Variants in RABGAP1L observed in about 807,000 individuals in gnomAD.
RABGAP1L encodes rab GTPase-activating protein 1-like.
In RABGAP1L, 63 loss-of-function variants were observed where a neutral mutation model predicts 137.7. The observed-to-expected ratio is 0.46, with a 90% CI of 0.37 to 0.56. RABGAP1L has a LOEUF of 0.56. Among genes scored for constraint, RABGAP1L ranks in the 20% least tolerant of loss-of-function variants. The probability of loss-of-function intolerance (pLI) is 0.00; values close to 1 mark genes in which losing one functional copy is unlikely to be tolerated. For synonymous variants in RABGAP1L, 431 were observed against 433.7 expected (o/e 0.99, Z 0.08); for missense variants, 1,095 against 1,244.0 (o/e 0.88, Z 1.80).
At chr1:174,234,793 A>G (rs1671009399) in intron 4 of RABGAP1L, among the ~76,000 whole-genome samples, 1 of 148,818 alleles carries the variant, frequency 6.7e-6, no homozygotes, top group East Asian at 1.9e-4. Flanking sequence ...GTTTTTTCCA[A>G]TTCTGTGAAG....
At chr1:174,252,132 T>A (rs1230061678) in intron 6 of RABGAP1L, among the ~76,000 whole-genome samples, 1 of 152,190 alleles carries the variant, frequency 6.6e-6, no homozygotes, top group Non-Finnish European at 1.5e-5. Flanking sequence ...TGATCTCAAG[T>A]GATCAGCCTG....
At chr1:174,787,751 G>A (rs570480043) in intron 18 of RABGAP1L, among the ~76,000 whole-genome samples, 1 of 152,104 alleles carries the variant, frequency 6.6e-6, no homozygotes. Context: ...AAATGTGAAG[G>A]TACTGGTAAT....
chr1:174,603,487 A>G (rs1670563488), intron 13 of RABGAP1L, among the ~76,000 whole-genome samples: 1 of 152,136 alleles, frequency 6.6e-6, no homozygotes, highest in Admixed American at 6.5e-5. Flanking sequence ...CAAGGCCAGA[A>G]CTGCCATTCG....
intron 18 of RABGAP1L, chr1:174,800,208 T>TCCCCCCC: frequency 7.1e-7 from 1 of 1,404,170 alleles, no homozygotes. Context: ...AGCTGACAAT[T>TCCCCCCC]CCCACCACAG....
At chr1:174,414,461 C>T (rs2149140734) in intron 13 of RABGAP1L, among the ~76,000 whole-genome samples, 1 of 152,122 alleles carries the variant, frequency 6.6e-6, no homozygotes. Flanking sequence ...GTCCTACTAT[C>T]TAGGATACTG....
chr1:174,838,054 T>C (rs567366094), intron 19 of RABGAP1L, among the ~76,000 whole-genome samples: 8 of 152,324 alleles, frequency 5.3e-5, no homozygotes, highest in African/African-American at 1.4e-4. Flanking sequence ...ATATACCTCT[T>C]TCCAAAAAGT....
At chr1:174,349,815 A>G (rs1213886250) in intron 11 of RABGAP1L, among the ~76,000 whole-genome samples, 2 of 113,956 alleles carry the variant, frequency 1.8e-5, no homozygotes, top group Non-Finnish European at 1.8e-5. Context: ...GGCCGGGCAG[A>G]GGCGCCCCTC....
intron 12 of RABGAP1L, among the ~76,000 whole-genome samples, chr1:174,384,668 T>A (rs1686591458): frequency 6.6e-6 from 1 of 152,214 alleles, no homozygotes; most frequent in Admixed American, 6.5e-5. Flanking sequence ...TAGGTAACTC[T>A]GTCTTAACTA....
chr1:174,797,099 G>T (rs544838722), intron 18 of RABGAP1L, among the ~76,000 whole-genome samples: 4 of 152,168 alleles, frequency 2.6e-5, no homozygotes, highest in South Asian at 2.1e-4. Flanking sequence ...AAACCATACA[G>T]TTCCAAAATC....
In RABGAP1L at chr1:174,278,719, G is replaced by A. The variant is rs754824768; in HGVS notation, c.1263G>A (p.Glu421=). 1 of 1,588,672 alleles carries A rather than the reference G, an allele frequency of 6.3e-7. No individual in the cohort carries two copies. The highest frequency in any genetic ancestry group is 8.5e-7 in the Non-Finnish European group (1 of 1,172,410). ...TAGTCCGTGTGTACCCTGCAAATGAGCGATTTTGGTATTTCAGCAGAAAGA... is the reference window on the plus strand; with the variant it reads ...TAGTCCGTGTGTACCCTGCAAATGAACGATTTTGGTATTTCAGCAGAAAGA... The part of the protein sequence containing the change: ...ETVVRVYPAN[E]RFWYFSRKTF... The change falls in exon 10 of 26, where the codon GAG becomes GAA. Residue 421 remains glutamate (E), a synonymous_variant. Coordinates refer to ENST00000681986, the MANE Select transcript of RABGAP1L (RefSeq NM_001366446.1).
intron 14 of RABGAP1L, among the ~76,000 whole-genome samples, chr1:174,674,773 C>A (rs1195046079): frequency 1.3e-5 from 2 of 152,070 alleles, no homozygotes; most frequent in African/African-American, 2.4e-5. Context: ...TTTTAATGAT[C>A]GCCATTCTAA....
At chr1:174,930,795 T>G (rs1663666323) in intron 19 of RABGAP1L, among the ~76,000 whole-genome samples, 1 of 152,246 alleles carries the variant, frequency 6.6e-6, no homozygotes, top group African/African-American at 2.4e-5. Context: ...ATCATTTTAC[T>G]CATAAATATT....
intron 1 of RABGAP1L, among the ~76,000 whole-genome samples, chr1:174,173,079 C>CT (rs1665541719): frequency 6.6e-6 from 1 of 151,186 alleles, no homozygotes. Context: ...ATATAATTAT[C>CT]TGAGTAAGAT....
chr1:174,933,946 A>G (rs1664292516), intron 19 of RABGAP1L, among the ~76,000 whole-genome samples: 1 of 152,262 alleles, frequency 6.6e-6, no homozygotes, highest in Non-Finnish European at 1.5e-5. Flanking sequence ...TCAAGGAATT[A>G]TACTCGAATT....
chr1:174,198,727 G>A (rs1269137781), intron 1 of RABGAP1L, among the ~76,000 whole-genome samples: 1 of 152,218 alleles, frequency 6.6e-6, no homozygotes, highest in African/African-American at 2.4e-5. Flanking sequence ...TATTGGCCGG[G>A]CACCTTGGTC....
At chr1:174,398,330 G>GT (rs1417616846) in intron 13 of RABGAP1L, among the ~76,000 whole-genome samples, 2 of 152,098 alleles carry the variant, frequency 1.3e-5, no homozygotes, top group African/African-American at 4.8e-5. Flanking sequence ...AAACCATATT[G>GT]TATTGGGGCT....
chr1:174,568,032 G>C (rs761126900), intron 13 of RABGAP1L, among the ~76,000 whole-genome samples: 6 of 152,116 alleles, frequency 3.9e-5, no homozygotes, highest in Middle Eastern at 3.2e-3. Context: ...AAGAAAGTAC[G>C]TTTATTTTGT....
intron 17 of RABGAP1L, among the ~76,000 whole-genome samples, chr1:174,707,003 T>C (rs1680097800): frequency 6.6e-6 from 1 of 152,202 alleles, no homozygotes; most frequent in South Asian, 2.1e-4. Context: ...GTGCTCCGTG[T>C]GAATCTTTTG....
At position 174,546,946 on chromosome 1, in the gene RABGAP1L, C is replaced by T. The variant is rs369179643; in HGVS notation, c.1711-90429C>T. 9.8e-4 allele frequency among the ~76,000 whole-genome samples: 133 copies of T among 136,020 alleles called. 1 individual carries two copies. The Middle Eastern group carries it at 0.013, about 13-fold the overall frequency. 89.2% of individuals were successfully genotyped at this position (136,020 alleles called of 152,430 possible). On this transcript the variant is annotated intron_variant, in intron 13 of 25. Coordinates refer to ENST00000681986, the MANE Select transcript of RABGAP1L (RefSeq NM_001366446.1). ...TTGGGAGGCTGAGGCAGGAGAATGG[C>T]GTGAACCCGGGAGGCGGAGCTTGCA... is the stretch of plus-strand genomic sequence containing the variant.
Sources: gnomAD v4.1 joint callset for allele counts (sites outside exome capture counted in the v4.1 genomes callset) on GRCh38, gnomAD v4.1.1 for gene constraint, MANE v1.5 for transcripts, NCBI Gene and HGNC (gene_info 2026-07-23, HGNC 2026-07-21) for gene names.